CMTM8: variants seen among roughly 807,000 people sequenced by gnomAD.
CMTM8 encodes the protein CKLF like MARVEL transmembrane domain containing 8, also known as CKLF-like MARVEL transmembrane domain-containing protein 8.
In CMTM8, 12 loss-of-function variants were observed where a neutral mutation model predicts 18.6. That is an observed-to-expected ratio of 0.65 (90% confidence interval 0.41 to 1.05). CMTM8 has a LOEUF of 1.05. Among genes scored for constraint, CMTM8 ranks in the 50% least tolerant of loss-of-function variants. CMTM8 has a pLI of 0.00. For missense variants in CMTM8, 217 were observed against 227.2 expected, an observed-to-expected ratio of 0.95 and a Z score of 0.29; for synonymous variants, 87 against 90.6, an observed-to-expected ratio of 0.96 and a Z score of 0.23.
At chr3:32,272,450 G>A (rs143997216) in intron 1 of CMTM8, among the ~76,000 whole-genome samples, 39 of 152,180 alleles carry the variant, frequency 2.6e-4, no homozygotes, top group African/African-American at 8.7e-4. Flanking sequence ...CTAATTAAAT[G>A]TGTGTTAGAT....
chr3:32,343,332 G>A (rs953607852), intron 1 of CMTM8, among the ~76,000 whole-genome samples: 1 of 152,170 alleles, frequency 6.6e-6, no homozygotes. Context: ...TTAAGAAAAG[G>A]TGCCATCCTT....
chr3:32,367,298 C>A (rs1264627790), intron 2 of CMTM8, among the ~76,000 whole-genome samples: 1 of 152,190 alleles, frequency 6.6e-6, no homozygotes, highest in Non-Finnish European at 1.5e-5. Flanking sequence ...AAAATAGGAA[C>A]AAATAAGGTA....
rs114039868 is a variant in CMTM8 at position 32,315,518 on chromosome 3, C to T, written c.148-41855C>T. On this transcript the variant is annotated intron_variant, in intron 1 of 3. Coordinates refer to ENST00000307526, the MANE Select transcript of CMTM8 (RefSeq NM_178868.5). Reference sequence around the variant, plus strand: ...GATGAACCAGTTGCTAGAATAGAGGCATCACTGGCCAGGTGCTCAGCGAAG... The same window carrying T: ...GATGAACCAGTTGCTAGAATAGAGGTATCACTGGCCAGGTGCTCAGCGAAG... Among the ~76,000 whole-genome samples, 1,482 of 152,308 alleles carry T rather than the reference C, an allele frequency of 9.7e-3. 22 individuals carry two copies. Among genetic ancestry groups the T allele is most frequent in the African/African-American group, 0.033 (1,381 of 41,556 alleles).
At chr3:32,316,248 T>C (rs1425997875) in intron 1 of CMTM8, among the ~76,000 whole-genome samples, 4 of 151,946 alleles carry the variant, frequency 2.6e-5, no homozygotes, top group African/African-American at 7.2e-5. Context: ...AGAATGGTCT[T>C]GATCTCCTGA....
intron 1 of CMTM8, among the ~76,000 whole-genome samples, chr3:32,296,751 T>G (rs981770048): frequency 3.3e-5 from 5 of 152,214 alleles, no homozygotes; most frequent in African/African-American, 4.8e-5. Context: ...CATCCAGATC[T>G]GAGGTTCCAT....
At chr3:32,345,933 T>TCACC (rs1224913281) in intron 1 of CMTM8, among the ~76,000 whole-genome samples, 1 of 152,204 alleles carries the variant, frequency 6.6e-6, no homozygotes, top group East Asian at 1.9e-4. Flanking sequence ...GGTGGGCAGA[T>TCACC]CACCTGAGGT....
At chr3:32,367,659 G>A (rs1251106203) in intron 2 of CMTM8, among the ~76,000 whole-genome samples, 2 of 152,132 alleles carry the variant, frequency 1.3e-5, no homozygotes, top group South Asian at 2.1e-4. Flanking sequence ...TCAGTGTCTC[G>A]TGGGGGCAGG....
intron 1 of CMTM8, among the ~76,000 whole-genome samples, chr3:32,301,529 G>A (rs973635417): frequency 6.6e-6 from 1 of 152,118 alleles, no homozygotes; most frequent in Non-Finnish European, 1.5e-5. Context: ...GGTGCAGAAA[G>A]TGGTCAAGGG....
At chr3:32,329,385 A>G (rs1460276443) in intron 1 of CMTM8, among the ~76,000 whole-genome samples, 1 of 152,172 alleles carries the variant, frequency 6.6e-6, no homozygotes, top group Non-Finnish European at 1.5e-5. Flanking sequence ...AATTCTGAAC[A>G]AAATACTAGT....
chr3:32,352,034 C>T (rs1696718398), intron 1 of CMTM8, among the ~76,000 whole-genome samples: 1 of 151,558 alleles, frequency 6.6e-6, no homozygotes, highest in African/African-American at 2.4e-5. Context: ...AAAAATTAGC[C>T]AAGCATGGTG....
intron 1 of CMTM8, among the ~76,000 whole-genome samples, chr3:32,305,596 GC>G (rs1477714876): frequency 1.7e-4 from 26 of 152,190 alleles, no homozygotes; most frequent in Admixed American, 3.3e-4. Flanking sequence ...TCATCTACGA[GC>G]CTTAATGATC....
intron 1 of CMTM8, among the ~76,000 whole-genome samples, chr3:32,319,057 C>CATACATATATAT (rs1206855049): frequency 1.5e-4 from 7 of 45,884 alleles, no homozygotes; most frequent in African/African-American, 5.9e-4. Flanking sequence ...TGTGTATATA[C>CATACATATATAT]ATATATATAT....
At position 32,279,157 on chromosome 3, in the gene CMTM8, ATAAT is replaced by A. The variant is rs540455872; in HGVS notation, c.147+40041_147+40044del. Among the ~76,000 whole-genome samples the A allele has an allele frequency of 9.8e-3, 1,251 of 128,048 alleles. 30 individuals are homozygous for A. Among genetic ancestry groups the A allele is most frequent in the African/African-American group, 0.035 (1,199 of 33,802 alleles). 84.0% of individuals were successfully genotyped at this position (128,048 alleles called of 152,430 possible). ...CCACCCACGGTTCTGTATTTTTCTT[ATAAT>A]TAGTGATTTTTTTTTTTAATTTTTT... is the stretch of plus-strand genomic sequence containing the variant. On this transcript the variant is annotated intron_variant, in intron 1 of 3. Transcript: ENST00000307526.
Position 32,358,159 on chromosome 3 carries a change from C to T in CMTM8, c.321+613C>T, listed in dbSNP as rs560775601. Among the ~76,000 whole-genome samples the T allele has an allele frequency of 2.6e-5, 4 of 152,112 alleles. No homozygotes were observed. The highest frequency in any genetic ancestry group is 6.5e-5 in the Admixed American group (1 of 15,270). On this transcript the variant is annotated intron_variant, in intron 2 of 3. Coordinates refer to ENST00000307526, the MANE Select transcript of CMTM8 (RefSeq NM_178868.5). This position sits in a 1 kb window ranked among gnomAD's most constrained non-coding sequence, Gnocchi z 4.1. Reference sequence around the variant, plus strand: ...AAATAGATAAGAAAATGAGTAGATACGAGACCCTGTGGCATACACTGCAGT... The same window carrying T: ...AAATAGATAAGAAAATGAGTAGATATGAGACCCTGTGGCATACACTGCAGT...
At chr3:32,286,966 C>T (rs149816656) in intron 1 of CMTM8, among the ~76,000 whole-genome samples, 365 of 152,322 alleles carry the variant, frequency 2.4e-3, no homozygotes, top group African/African-American at 8.5e-3. Context: ...AGCCTCTCGG[C>T]TCTGAGCGTG....
chr3:32,285,512 CA>C (rs140584675), intron 1 of CMTM8, among the ~76,000 whole-genome samples: 18,250 of 100,466 alleles, frequency 0.18, 1,147 homozygotes, highest in Middle Eastern at 0.35. Flanking sequence ...GATTCTATCT[CA>C]AAAAAAAAAA....
At chr3:32,238,315 C>T (rs1701891695), upstream of CMTM8, 1 of 152,382 alleles carries the variant, frequency 6.6e-6, no homozygotes, top group African/African-American at 2.4e-5. Flanking sequence ...TCATTCCCTC[C>T]GCGCCGAGTC....
At chr3:32,260,803 A>G (rs925023330) in intron 1 of CMTM8, among the ~76,000 whole-genome samples, 4 of 152,182 alleles carry the variant, frequency 2.6e-5, no homozygotes, top group South Asian at 2.1e-4. Flanking sequence ...TAACACATAG[A>G]TTAATTTTGG....
intron 1 of CMTM8, among the ~76,000 whole-genome samples, chr3:32,325,019 A>C (rs1324292544): frequency 6.6e-6 from 1 of 152,236 alleles, no homozygotes; most frequent in African/African-American, 2.4e-5. Flanking sequence ...CAGGGAGGGC[A>C]TCTTTTTATC....
Sources: gnomAD v4.1 joint callset for allele counts (sites outside exome capture counted in the v4.1 genomes callset) on GRCh38, gnomAD v4.1.1 for gene constraint, Gnocchi (gnomAD v3.1) non-coding constraint, MANE v1.5 for transcripts, NCBI Gene and HGNC (gene_info 2026-07-23, HGNC 2026-07-21) for gene names.